RNF183: variants seen among roughly 807,000 people sequenced by gnomAD.
The protein encoded by RNF183 is E3 ubiquitin-protein ligase RNF183.
RNF183 carries 4 observed loss-of-function variants against 9.0 expected under a neutral mutation model. The observed-to-expected ratio is 0.44, with a 90% CI of 0.22 to 1.01. The LOEUF is 1.01. RNF183 is among the 50% of genes least tolerant of loss of function. The pLI, the probability that RNF183 is intolerant of heterozygous loss-of-function variation, is 0.25. For missense variants in RNF183, 227 were observed against 253.6 expected (o/e 0.89, Z 0.71); for synonymous variants, 102 against 107.5 (o/e 0.95, Z 0.32).
At position 113,298,252 on chromosome 9, in the gene RNF183, A is replaced by G; in HGVS notation, c.-37-31T>C. 1 of 1,346,478 alleles carries G rather than the reference A, an allele frequency of 7.4e-7. No homozygotes were observed. Among genetic ancestry groups the G allele is most frequent in the South Asian group, 1.3e-5 (1 of 76,790 alleles). The allele number at this position is 1,346,478 out of a possible 1,614,324, so 83.4% of individuals were successfully genotyped here. ...AGAAGGGGGAAAGGAGCAAAGGAAC[A>G]GCCATGAAGTCCCATCCTTGTGCTT... On this transcript the variant is annotated intron_variant, in intron 4 of 4. Transcript: ENST00000489339. The surrounding 1 kb of genome is among the most constrained non-coding windows in gnomAD (Gnocchi z 4.9).
rs1014064632 is a variant in RNF183 at position 113,297,483 on chromosome 9, T to C, written c.*123A>G. 1.5e-6 allele frequency: 1 copy of C among 668,182 alleles called. No individual in the cohort carries two copies. Among genetic ancestry groups the C allele is most frequent in the Non-Finnish European group, 2.5e-6 (1 of 404,516 alleles). The allele number at this position is 668,182 out of a possible 1,614,324, so 41.4% of individuals were successfully genotyped here. A position where few individuals can be genotyped will look rare whatever the true frequency, so the allele number is the denominator to read the frequency against. On this transcript the variant is annotated 3_prime_UTR_variant, in exon 5 of 5. Coordinates refer to ENST00000489339, the MANE Select transcript of RNF183 (RefSeq NM_001371237.1). Reference sequence around the variant, plus strand: ...TGTTCCCAGAAGCAAACACATGGCCTGAACAATCCCTGGATTGTAAAATAA... The same window carrying C: ...TGTTCCCAGAAGCAAACACATGGCCCGAACAATCCCTGGATTGTAAAATAA...
rs1278541356 is a variant in RNF183, at chr9:113,298,836, T to TCA, written c.-37-617_-37-616dup. 1 of 140,106 alleles carries TCA rather than the reference T, an allele frequency of 7.1e-6. No homozygotes were observed. Among genetic ancestry groups the TCA allele is most frequent in the African/African-American group, 2.5e-5 (1 of 40,290 alleles). 8.7% of individuals were successfully genotyped at this position (140,106 alleles called of 1,614,324 possible). On this transcript the variant is annotated intron_variant, in intron 4 of 4. Transcript: ENST00000489339. This position sits in a 1 kb window ranked among gnomAD's most constrained non-coding sequence, Gnocchi z 4.9. ...AAGCTTCCCTGCCCCAGTCCCCAGA[T>TCA]CAGCCCTTCCAGAGCCTCTTCCCCT...
At chr9:113,302,514 C>T (rs564530327) in intron 1 of RNF183, among the ~76,000 whole-genome samples, 44 of 152,314 alleles carry the variant, frequency 2.9e-4, no homozygotes, top group African/African-American at 9.9e-4. Flanking sequence ...ACAAAGGGCC[C>T]TGGCCCTTGC....
rs745466998 is a variant in RNF183 at position 113,299,703 on chromosome 9, G to A, written c.-169C>T. On this transcript the variant is annotated 5_prime_UTR_variant, in exon 4 of 5. It adds an upstream start codon to the 5' untranslated region. Transcript: ENST00000489339. ...AGGCGCACTCCAGCCCAGCTTCTCC[G>A]TTTCAACCAGAAATACTTGGCTTTT... The A allele has an allele frequency of 5.3e-5, 8 of 152,174 alleles. No individual in the cohort carries two copies. Among genetic ancestry groups the A allele is most frequent in the Non-Finnish European group, 8.8e-5 (6 of 68,032 alleles). 9.4% of individuals were successfully genotyped at this position (152,174 alleles called of 1,614,324 possible). A position where few individuals can be genotyped will look rare whatever the true frequency, so the allele number is the denominator to read the frequency against.
rs373858981 is a variant in RNF183, at chr9:113,297,772, G to A, written c.413C>T (p.Thr138Ile). 19 of 1,613,706 alleles carry A rather than the reference G, an allele frequency of 1.2e-5. No individual in the cohort carries two copies. Among genetic ancestry groups the A allele is most frequent in the Non-Finnish European group, 1.5e-5 (18 of 1,179,858 alleles). ...GGGGATGAGGATGGGCGTAGACACG[G>A]TGGCAGAGGCCGTGTCTGGGGGCGG... Reference protein sequence around the residue: ...TGPPPDTASATVSTPILIPSH... With the variant: ...TGPPPDTASAIVSTPILIPSH... The change falls in exon 5 of 5, where the codon ACC becomes ATC. Residue 138 changes from threonine (T) to isoleucine (I), a missense_variant. Physicochemically the swap from Thr to Ile is moderately conservative, Grantham distance 89 (BLOSUM62 -1). Coordinates refer to ENST00000489339, the MANE Select transcript of RNF183 (RefSeq NM_001371237.1).
Position 113,297,418 on chromosome 9 carries a change from A to G in RNF183, c.*188T>C, listed in dbSNP as rs1279784642. ...ACCCGGAGGTCGCTCCACATCTCCC[A>G]GTCCTTCAAGCTTTTCGTTTTTTTG... On this transcript the variant is annotated 3_prime_UTR_variant, in exon 5 of 5. Transcript: ENST00000489339. 2 of 480,926 alleles carry G rather than the reference A, an allele frequency of 4.2e-6. No homozygotes were observed. The highest frequency in any genetic ancestry group is 7.4e-5 in the East Asian group (2 of 27,136). The allele number at this position is 480,926 out of a possible 1,614,324, so 29.8% of individuals were successfully genotyped here.
rs144981857 is a variant in RNF183 at position 113,299,553 on chromosome 9, G to A, written c.-38+19C>T. On this transcript the variant is annotated intron_variant, in intron 4 of 4. Coordinates refer to ENST00000489339, the MANE Select transcript of RNF183 (RefSeq NM_001371237.1). Reference sequence around the variant, plus strand: ...GATCTTTTAATGTGCCTAAGTAACTGCAATCAGCGTGTACAAACCTCGCTG... The same window carrying A: ...GATCTTTTAATGTGCCTAAGTAACTACAATCAGCGTGTACAAACCTCGCTG... 5.1e-4 allele frequency: 78 copies of A among 152,294 alleles called. No individual in the cohort carries two copies. The highest frequency in any genetic ancestry group is 1.8e-3 in the African/African-American group (73 of 41,554). 9.4% of individuals were successfully genotyped at this position (152,294 alleles called of 1,614,324 possible).
Position 113,297,997 on chromosome 9 carries a change from G to T in RNF183, c.188C>A (p.Thr63Lys), listed in dbSNP as rs1277098502. Residue 63 changes from threonine to lysine, a missense_variant, in exon 5 of 5, where the codon ACA (threonine) becomes AAA (lysine). Coordinates refer to ENST00000489339, the MANE Select transcript of RNF183 (RefSeq NM_001371237.1). Reference sequence around the variant, plus strand: ...GACAGGCTGCCCTGAGGCCAGCACTGTGGGCTGGCGACAGAGTGGGCACAG... The same window carrying T: ...GACAGGCTGCCCTGAGGCCAGCACTTTGGGCTGGCGACAGAGTGGGCACAG... ...RLLCPLCRQPTVLASGQPVTD... is the reference protein window; with the variant it reads ...RLLCPLCRQPKVLASGQPVTD... The T allele has an allele frequency of 6.2e-7, 1 of 1,613,826 alleles. No individual in the cohort carries two copies. The highest frequency in any genetic ancestry group is 8.5e-7 in the Non-Finnish European group (1 of 1,180,008).
Position 113,298,001 on chromosome 9 carries a change from G to T in RNF183, c.184C>A (p.Pro62Thr), listed in dbSNP as rs571202934. Residue 62 changes from proline (P) to threonine (T), a missense_variant, in exon 5 of 5, where the codon CCC becomes ACC. Coordinates refer to ENST00000489339, the MANE Select transcript of RNF183 (RefSeq NM_001371237.1). The surrounding 1 kb of genome is among the most constrained non-coding windows in gnomAD (Gnocchi z 4.9). ...RRLLCPLCRQ[P>T]TVLASGQPVT... Reference sequence around the variant, plus strand: ...GGCTGCCCTGAGGCCAGCACTGTGGGCTGGCGACAGAGTGGGCACAGCAGG... The same window carrying T: ...GGCTGCCCTGAGGCCAGCACTGTGGTCTGGCGACAGAGTGGGCACAGCAGG... 3.1e-6 allele frequency: 5 copies of T among 1,614,058 alleles called. No homozygotes were observed. In the South Asian group the frequency reaches 5.5e-5, roughly 18 times the overall value.
At chr9:113,302,535 G>A (rs777937087) in intron 1 of RNF183, among the ~76,000 whole-genome samples, 3 of 152,174 alleles carry the variant, frequency 2.0e-5, no homozygotes, top group Non-Finnish European at 4.4e-5. Context: ...TAAGATCTAA[G>A]TGTGGTGATC....
Position 113,297,872 on chromosome 9 carries a change from T to C in RNF183, c.313A>G (p.Lys105Glu). 1 of 1,613,310 alleles carries C rather than the reference T, an allele frequency of 6.2e-7. No homozygotes were observed. Residue 105 changes from lysine to glutamate, a missense_variant, in exon 5 of 5, where the codon AAG (lysine) becomes GAG (glutamate). Lys to Glu is a moderately conservative substitution (Grantham distance 56, BLOSUM62 1). Transcript: ENST00000489339. The stretch of plus-strand genomic sequence containing the variant: ...GGCTGGCGCAGGAAGTAGCGGCTCT[T>C]GGGCTGGTCCTTGAGGCACAGCTGA... ...GHQLCLKDQP[K>E]SRYFLRQPQV...
rs1230965436 is a variant in RNF183 at position 113,297,876 on chromosome 9, C to A, written c.309G>T (p.Gln103His). 6.2e-7 allele frequency: 1 copy of A among 1,613,442 alleles called. No homozygotes were observed. The change falls in exon 5 of 5, where the codon CAG becomes CAT. Residue 103 changes from glutamine (Q) to histidine (H), a missense_variant. Physicochemically the swap from Gln to His is conservative, Grantham distance 24 (BLOSUM62 0). Coordinates refer to ENST00000489339, the MANE Select transcript of RNF183 (RefSeq NM_001371237.1). ...GGCGCAGGAAGTAGCGGCTCTTGGG[C>A]TGGTCCTTGAGGCACAGCTGATGGC... Reference protein sequence around the residue: ...LEGHQLCLKDQPKSRYFLRQP... With the variant: ...LEGHQLCLKDHPKSRYFLRQP...
intron 2 of RNF183, 90 bp downstream of exon 2, chr9:113,302,105 C>A (rs1272006446): frequency 2.1e-5 from 3 of 139,608 alleles, no homozygotes; most frequent in Admixed American, 7.1e-5. Flanking sequence ...TTTTTTAATT[C>A]TCTTACCTGA....
At chr9:113,301,934 G>A (rs1275190908) in intron 2 of RNF183, 183 bp from the exon 3 acceptor site, 1 of 152,000 alleles carries the variant, frequency 6.6e-6, no homozygotes. Context: ...ATATACCTAG[G>A]ATATAATGTC....
chr9:113,299,895 T>C (rs1485714878), intron 3 of RNF183, 120 bp from the exon 4 acceptor site: 1 of 152,238 alleles, frequency 6.6e-6, no homozygotes, highest in African/African-American at 2.4e-5. Context: ...ATGGGACCCA[T>C]GTCTTCAGAC....
In RNF183 at chr9:113,297,396, C is replaced by T. The variant is rs1301682263; in HGVS notation, c.*210G>A. The T allele has an allele frequency of 4.3e-5, 18 of 422,498 alleles. No individual in the cohort carries two copies. Among genetic ancestry groups the T allele is most frequent in the African/African-American group, 8.2e-5 (4 of 48,786 alleles). The allele number at this position is 422,498 out of a possible 1,614,324, so 26.2% of individuals were successfully genotyped here. A position where few individuals can be genotyped will look rare whatever the true frequency, so the allele number is the denominator to read the frequency against. On this transcript the variant is annotated 3_prime_UTR_variant, in exon 5 of 5. Coordinates refer to ENST00000489339, the MANE Select transcript of RNF183 (RefSeq NM_001371237.1). ...CCTTCCATGACGCCACACTCACACC[C>T]GGAGGTCGCTCCACATCTCCCAGTC... is the stretch of plus-strand genomic sequence containing the variant.
rs1832940166 is a variant in RNF183 at position 113,302,227 on chromosome 9, AG to A, written c.-355del. The A allele has an allele frequency of 6.6e-6, 1 of 152,024 alleles. No homozygotes were observed. Among genetic ancestry groups the A allele is most frequent in the South Asian group, 2.1e-4 (1 of 4,818 alleles). 9.4% of individuals were successfully genotyped at this position (152,024 alleles called of 1,614,324 possible). A position where few individuals can be genotyped will look rare whatever the true frequency, so the allele number is the denominator to read the frequency against. Reference sequence around the variant, plus strand: ...GAAGTTCCATGGCCAGAACTGTAAAAGGCTGTCCAAGAGGAGGAAGCATCAT... The same window carrying A: ...GAAGTTCCATGGCCAGAACTGTAAAAGCTGTCCAAGAGGAGGAAGCATCAT... On this transcript the variant is annotated 5_prime_UTR_variant, in exon 2 of 5. The change abolishes the stop of an existing upstream ORF in the 5' untranslated region. Transcript: ENST00000489339.
intron 2 of RNF183, 152 bp downstream of exon 2, chr9:113,302,043 C>G (rs1476018152): frequency 1.3e-5 from 2 of 150,862 alleles, no homozygotes; most frequent in African/African-American, 4.9e-5. Flanking sequence ...AGATAAACAA[C>G]CAGATATTAG....
At chr9:113,300,639 G>A (rs754092198) in intron 3 of RNF183, among the ~76,000 whole-genome samples, 12 of 151,966 alleles carry the variant, frequency 7.9e-5, no homozygotes, top group African/African-American at 2.7e-4. Context: ...AACAGCATGT[G>A]TGGCCCCGAG....
Sources: gnomAD v4.1 joint callset for allele counts (sites outside exome capture counted in the v4.1 genomes callset) on GRCh38, gnomAD v4.1.1 for gene constraint, Gnocchi (gnomAD v3.1) non-coding constraint, MANE v1.5 for transcripts, NCBI Gene and HGNC (gene_info 2026-07-23, HGNC 2026-07-21) for gene names.